The following EMC3 variants were observed in gnomAD, a reference collection of about 807,000 sequenced individuals.
EMC3 encodes 30 kDa protein.
A neutral mutation model predicts 36.6 loss-of-function variants in EMC3; 13 were observed. The ratio of observed to expected loss-of-function variants is 0.35; its 90% confidence interval spans 0.23 to 0.56. The LOEUF is 0.56. EMC3 is among the 20% of genes least tolerant of loss of function. EMC3 has a pLI of 0.84. For missense variants in EMC3, 220 were observed against 324.5 expected (o/e 0.68, Z 2.47); for synonymous variants, 120 against 111.9 (o/e 1.07, Z -0.46).
intron 7 of EMC3, among the ~76,000 whole-genome samples, chr3:9,966,157 G>A (rs1337592897): frequency 6.6e-6 from 1 of 151,702 alleles, no homozygotes; most frequent in East Asian, 1.9e-4. Flanking sequence ...CATCCTTACC[G>A]ACACTTGTTA....
chr3:9,993,726 C>G (rs1318994814), intron 1 of EMC3, among the ~76,000 whole-genome samples: 1 of 152,228 alleles, frequency 6.6e-6, no homozygotes, highest in African/African-American at 2.4e-5. Context: ...TGGTTATTTA[C>G]TCTGGGTCCA....
chr3:9,964,052 T>G lies in EMC3; in HGVS notation c.*17A>C. ...TGCAACTCCAAGTTCCTGACACAGC[T>G]AATCCCTGCTCGGTCTTCAAAAAAT... On this transcript the variant is annotated 3_prime_UTR_variant, in exon 8 of 8. Coordinates refer to ENST00000245046, the MANE Select transcript of EMC3 (RefSeq NM_001394674.1). The G allele has an allele frequency of 6.2e-7, 1 of 1,613,714 alleles. No homozygotes were observed. The highest frequency in any genetic ancestry group is 1.7e-5 in the Admixed American group (1 of 59,946).
At chr3:9,975,687 C>CTGTA (rs756054715) in intron 3 of EMC3, among the ~76,000 whole-genome samples, 45 of 151,878 alleles carry the variant, frequency 3.0e-4, no homozygotes, top group Non-Finnish European at 4.4e-5. Context: ...TGGCAGGTGC[C>CTGTA]TGTAATCTCA....
At chr3:10,008,459 G>T in intron 1 of EMC3, 1 of 1,367,692 alleles carries the variant, frequency 7.3e-7, no homozygotes, top group Non-Finnish European at 9.8e-7. Flanking sequence ...TTTGCTGCCA[G>T]CAGCCTCCAT....
rs2085701561 is a variant in EMC3, at chr3:9,962,906, A to G, written c.*1163T>C. The G allele has an allele frequency of 6.6e-6, 1 of 152,198 alleles. No individual in the cohort carries two copies. Among genetic ancestry groups the G allele is most frequent in the Admixed American group, 6.5e-5 (1 of 15,272 alleles). 9.4% of individuals were successfully genotyped at this position (152,198 alleles called of 1,614,324 possible). A position where few individuals can be genotyped will look rare whatever the true frequency, so the allele number is the denominator to read the frequency against. ...AATATGTAAATTCTCTTTTGTTCCA[A>G]GCAACTGGGAAATGAGGTCCTTCAT... On this transcript the variant is annotated 3_prime_UTR_variant, in exon 8 of 8. Coordinates refer to ENST00000245046, the MANE Select transcript of EMC3 (RefSeq NM_001394674.1).
intron 7 of EMC3, among the ~76,000 whole-genome samples, chr3:9,966,632 A>G (rs921610664): frequency 3.4e-5 from 5 of 148,594 alleles, no homozygotes; most frequent in African/African-American, 9.9e-5. Flanking sequence ...TGCATCTGCA[A>G]TGGTGGATCT....
upstream of EMC3, among the ~76,000 whole-genome samples, chr3:9,989,087 G>A (rs1318290980): frequency 6.6e-6 from 1 of 152,180 alleles, no homozygotes; most frequent in Non-Finnish European, 1.5e-5. Flanking sequence ...CCCTATATCT[G>A]CCTAATTGCC....
Position 9,986,553 on chromosome 3 carries a change from G to A in EMC3, c.109C>T (p.Leu37=), listed in dbSNP as rs768041316. The change falls in exon 1 of 8, where the codon CTG becomes TTG. Residue 37 remains leucine, a synonymous_variant. Transcript: ENST00000245046. ...VGMIRHYVSI[L]LQSDKKLTQE... ...GTGAGCTTCTTGTCGCTCTGCAGCA[G>A]GATGGACACGTAGTGGCGGATCATG... The A allele has an allele frequency of 1.9e-6, 3 of 1,614,232 alleles. No individual in the cohort carries two copies. The highest frequency in any genetic ancestry group is 2.7e-5 in the African/African-American group (2 of 75,054).
intron 1 of EMC3, among the ~76,000 whole-genome samples, chr3:9,984,192 C>T (rs2085943163): frequency 6.6e-6 from 1 of 152,084 alleles, no homozygotes; most frequent in South Asian, 2.1e-4. Flanking sequence ...AGCGATTCTC[C>T]TGCCTCAGCC....
intron 3 of EMC3, among the ~76,000 whole-genome samples, 166 bp from the exon 4 acceptor site, chr3:9,974,654 G>A (rs1411221929): frequency 6.6e-6 from 1 of 151,820 alleles, no homozygotes; most frequent in Non-Finnish European, 1.5e-5. Flanking sequence ...CGCCTCCCAG[G>A]TTCACACCAT....
intron 3 of EMC3, among the ~76,000 whole-genome samples, chr3:9,976,596 G>A (rs994266199): frequency 6.6e-6 from 1 of 152,030 alleles, no homozygotes; most frequent in Non-Finnish European, 1.5e-5. Context: ...TATTGGAAGG[G>A]GATCCAGGCA....
intron 5 of EMC3, among the ~76,000 whole-genome samples, chr3:9,970,866 G>A (rs952597638): frequency 6.6e-6 from 1 of 151,692 alleles, no homozygotes; most frequent in Non-Finnish European, 1.5e-5. Flanking sequence ...AAAATCCAAA[G>A]GTGACTCCCA....
Position 9,982,703 on chromosome 3 carries a change from C to A in EMC3, c.155+3804G>T, listed in dbSNP as rs573088754. 1.1e-4 allele frequency among the ~76,000 whole-genome samples: 16 copies of A among 151,986 alleles called. No homozygotes were observed. The South Asian group carries it at 1.7e-3, about 16-fold the overall frequency. ...AGGAGTTTGAGACCGGCCTGGGCAA[C>A]GGAGGAGACCCCATCTTTGCAAAAA... On this transcript the variant is annotated intron_variant, in intron 1 of 7. Coordinates refer to ENST00000245046, the MANE Select transcript of EMC3 (RefSeq NM_001394674.1).
intron 1 of EMC3, among the ~76,000 whole-genome samples, chr3:9,981,139 C>T (rs2085907498): frequency 6.6e-6 from 1 of 152,168 alleles, no homozygotes; most frequent in Non-Finnish European, 1.5e-5. Context: ...GAGATCGAGG[C>T]TGAAGTGAGC....
At chr3:9,982,219 G>C (rs1002666628) in intron 1 of EMC3, among the ~76,000 whole-genome samples, 1 of 150,928 alleles carries the variant, frequency 6.6e-6, no homozygotes, top group African/African-American at 2.4e-5. Context: ...CAAAGTGCTG[G>C]GATTACAGGC....
At chr3:10,007,523 A>G (rs2086277351) in intron 1 of EMC3, 1 of 1,367,598 alleles carries the variant, frequency 7.3e-7, no homozygotes, top group Non-Finnish European at 9.8e-7. Context: ...TAACAGTGGC[A>G]TGAAGCGCTC....
intron 1 of EMC3, chr3:10,008,685 T>G (rs1575708959): frequency 2.8e-6 from 1 of 352,598 alleles, no homozygotes. Flanking sequence ...GATTTGCTGT[T>G]TACCCCGTCC....
At chr3:9,973,527 G>T in intron 5 of EMC3, 101 bp downstream of exon 5, 1 of 1,066,398 alleles carries the variant, frequency 9.4e-7, no homozygotes, top group Non-Finnish European at 1.4e-6. Context: ...GTCTTACTCT[G>T]TTGCCCAGGC....
intron 1 of EMC3, chr3:9,992,733 GAA>G: frequency 1.6e-6 from 1 of 609,466 alleles, no homozygotes. Flanking sequence ...TGGGTTTTGT[GAA>G]AAGTGTAGAT....
Sources: allele counts gnomAD v4.1 joint callset (sites outside exome capture counted in the v4.1 genomes callset), GRCh38; gene constraint gnomAD v4.1.1; transcripts MANE v1.5; gene names NCBI Gene and HGNC (gene_info 2026-07-23, HGNC 2026-07-21).